Variants in UACA observed in about 807,000 individuals in gnomAD.
The protein encoded by UACA is nuclear membrane binding protein.
UACA carries 112 observed loss-of-function variants against 160.5 expected under a neutral mutation model. The observed-to-expected ratio is 0.70, with a 90% confidence interval of 0.60 to 0.82. The LOEUF (loss-of-function observed/expected upper bound fraction) is 0.82, where lower values mean the gene tolerates loss of function less well. Ranked by LOEUF, UACA falls within the 40% of genes least tolerant of loss-of-function variation. UACA has a pLI of 0.00. For synonymous variants in UACA, 557 were observed against 568.4 expected, an observed-to-expected ratio of 0.98 and a Z score of 0.29; for missense variants, 1,574 against 1,614.6, an observed-to-expected ratio of 0.97 and a Z score of 0.43.
chr15:70,715,532 T>A (rs1898797543), intron 1 of UACA, among the ~76,000 whole-genome samples: 1 of 152,194 alleles, frequency 6.6e-6, no homozygotes, highest in South Asian at 2.1e-4. Flanking sequence ...ATTTTTATAA[T>A]GTAAAATGGG....
the UACA span, among the ~76,000 whole-genome samples, chr15:70,771,530 G>C: frequency 6.6e-6 from 1 of 152,144 alleles, no homozygotes; most frequent in African/African-American, 2.4e-5. Context: ...CCTCCAGCAA[G>C]TATTGGTTTT....
chr15:70,699,516 A>G lies in UACA; in HGVS notation c.212+11T>C, dbSNP rs1898253865. On this transcript the variant is annotated intron_variant, in intron 2 of 18. Coordinates refer to ENST00000322954, the MANE Select transcript of UACA (RefSeq NM_018003.4). ...CCCTTCAGACATGCTTTTATCATCA[A>G]TAATACTTACACAGATCTGCCTTCC... The G allele has an allele frequency of 3.1e-6, 5 of 1,610,090 alleles. No homozygotes were observed. The highest frequency in any genetic ancestry group is 4.2e-6 in the Non-Finnish European group (5 of 1,178,308).
intron 1 of UACA, among the ~76,000 whole-genome samples, chr15:70,744,146 G>T (rs1342430858): frequency 6.6e-6 from 1 of 151,510 alleles, no homozygotes; most frequent in Non-Finnish European, 1.5e-5. Context: ...TGGAGAGGCT[G>T]AGGCAGGAGA....
rs781361234 is a variant in UACA, at chr15:70,668,275, A to C, written c.2409T>G (p.Phe803Leu). 1 of 1,613,570 alleles carries C rather than the reference A, an allele frequency of 6.2e-7. No individual in the cohort carries two copies. The highest frequency in any genetic ancestry group is 1.1e-5 in the South Asian group (1 of 91,012). ...CTTTTTCATGTTTCTCAGGAGGTAC[A>C]AACACAGTTTCTAGGCGGCTTACAT... is the stretch of plus-strand genomic sequence containing the variant. ...SKDVSRLETVFVPPEKHEKEI... is the reference protein window; with the variant it reads ...SKDVSRLETVLVPPEKHEKEI... Residue 803 changes from phenylalanine (F) to leucine (L), a missense_variant, in exon 16 of 19, where the codon TTT (phenylalanine) becomes TTG (leucine). Phe to Leu is a conservative substitution (Grantham distance 22, BLOSUM62 0). Transcript: ENST00000322954.
At chr15:70,760,824 GAA>G (rs2030710082) in intron 1 of UACA, among the ~76,000 whole-genome samples, 5 of 147,658 alleles carry the variant, frequency 3.4e-5, no homozygotes, top group Admixed American at 3.4e-4. Flanking sequence ...AAAAAAAACA[GAA>G]AAAGAAAAAT....
At chr15:70,677,018 C>G (rs1897321416) in intron 12 of UACA, 90 bp downstream of exon 12, 1 of 952,744 alleles carries the variant, frequency 1.0e-6, no homozygotes. Flanking sequence ...ATCCTGGTCT[C>G]TATCTCAATT....
intron 1 of UACA, among the ~76,000 whole-genome samples, chr15:70,729,263 T>C (rs930275795): frequency 1.3e-5 from 2 of 152,012 alleles, no homozygotes; most frequent in Admixed American, 6.6e-5. Flanking sequence ...CTATTCACAA[T>C]AGCAAAAACA....
At chr15:70,767,809 T>C (rs1318295022), upstream of UACA, among the ~76,000 whole-genome samples, 1 of 152,022 alleles carries the variant, frequency 6.6e-6, no homozygotes, top group Non-Finnish European at 1.5e-5. Flanking sequence ...CATCAGTCAT[T>C]CTCTCAGATG....
intron 11 of UACA, 39 bp downstream of exon 11, chr15:70,678,060 G>T: frequency 7.0e-7 from 1 of 1,420,968 alleles, no homozygotes; most frequent in Non-Finnish European, 9.6e-7. Flanking sequence ...TATTGATATA[G>T]TAAGACAGTT....
chr15:70,714,742 T>A (rs902382837), intron 1 of UACA, among the ~76,000 whole-genome samples: 5 of 152,138 alleles, frequency 3.3e-5, no homozygotes, highest in Admixed American at 3.3e-4. Flanking sequence ...AACCACCCGG[T>A]TTGATTCTAT....
At chr15:70,671,135 A>C in intron 14 of UACA, 44 bp from the exon 15 acceptor site, 1 of 1,324,726 alleles carries the variant, frequency 7.5e-7, no homozygotes, top group Non-Finnish European at 1.1e-6. Context: ...CAATATCCAT[A>C]CTAAAGTAGG....
chr15:70,769,533 A>G, the UACA span, among the ~76,000 whole-genome samples: 1 of 150,868 alleles, frequency 6.6e-6, no homozygotes, highest in Non-Finnish European at 1.5e-5. Flanking sequence ...ATGTTATAAT[A>G]AAGTTATATA....
rs542712606 is a variant in UACA at position 70,668,921 on chromosome 15, T to C, written c.1763A>G (p.Asn588Ser). 9.9e-6 allele frequency: 16 copies of C among 1,613,534 alleles called. No individual in the cohort carries two copies. Among genetic ancestry groups the C allele is most frequent in the African/African-American group, 9.3e-5 (7 of 74,948 alleles). The part of the protein sequence containing the change: ...KRDEGKLIEE[N>S]KRLQKELSMC... The stretch of plus-strand genomic sequence containing the variant: ...ACTAAGTTCCTTCTGTAATCGCTTA[T>C]TTTCTTCTATCAGCTTGCCTTCATC... Residue 588 changes from asparagine (N) to serine (S), a missense_variant, in exon 16 of 19, where the codon AAT becomes AGT. Physicochemically the swap from Asn to Ser is conservative, Grantham distance 46. Transcript: ENST00000322954.
chr15:70,701,687 G>T (rs76999647), intron 1 of UACA, among the ~76,000 whole-genome samples: 1 of 152,122 alleles, frequency 6.6e-6, no homozygotes, highest in East Asian at 1.9e-4. Flanking sequence ...ATTTTATCAT[G>T]TGCTTTTTAA....
chr15:70,668,239 A>G lies in UACA; in HGVS notation c.2445T>C (p.Ala815=). 1 of 1,613,308 alleles carries G rather than the reference A, an allele frequency of 6.2e-7. No homozygotes were observed. The highest frequency in any genetic ancestry group is 8.5e-7 in the Non-Finnish European group (1 of 1,179,862). ...PPEKHEKEII[A]LKSNIVELKK... ...TAAGTTCAACAATATTGGATTTCAG[A>G]GCTATTATCTCTTTTTCATGTTTCT... The change falls in exon 16 of 19, where the codon GCT becomes GCC. Residue 815 remains alanine, a synonymous_variant. Coordinates refer to ENST00000322954, the MANE Select transcript of UACA (RefSeq NM_018003.4).
intron 1 of UACA, among the ~76,000 whole-genome samples, chr15:70,750,738 G>C: frequency 1.3e-5 from 2 of 152,152 alleles, no homozygotes; most frequent in East Asian, 3.9e-4. Context: ...AGGCATGGTG[G>C]CGTATGCCTG....
chr15:70,766,497 G>A (rs1421608866), upstream of UACA, among the ~76,000 whole-genome samples: 1 of 151,138 alleles, frequency 6.6e-6, no homozygotes, highest in East Asian at 1.9e-4. Flanking sequence ...GAAGGGTAAT[G>A]CATTTTTTAA....
rs1896488688 is a variant in UACA at position 70,656,882 on chromosome 15, A to C, written c.*174T>G. 1 of 492,244 alleles carries C rather than the reference A, an allele frequency of 2.0e-6. No homozygotes were observed. Among genetic ancestry groups the C allele is most frequent in the African/African-American group, 1.9e-5 (1 of 52,014 alleles). 30.5% of individuals were successfully genotyped at this position (492,244 alleles called of 1,614,324 possible). On this transcript the variant is annotated 3_prime_UTR_variant, in exon 19 of 19. Coordinates refer to ENST00000322954, the MANE Select transcript of UACA (RefSeq NM_018003.4). ...CATACAGAAAATAAGATTCAAACTG[A>C]TATTGAAAAAGACTAACATATTCAT...
chr15:70,682,225 T>C (rs184253796), intron 9 of UACA, among the ~76,000 whole-genome samples: 1 of 152,354 alleles, frequency 6.6e-6, no homozygotes, highest in East Asian at 1.9e-4. Context: ...ATTTCAAGTG[T>C]TGTTATTCCG....
Sources: gnomAD v4.1 joint callset for allele counts (sites outside exome capture counted in the v4.1 genomes callset) on GRCh38, gnomAD v4.1.1 for gene constraint, MANE v1.5 for transcripts, NCBI Gene and HGNC (gene_info 2026-07-23, HGNC 2026-07-21) for gene names.